The following CDH4 variants were observed in gnomAD, a reference collection of about 807,000 sequenced individuals.
CDH4 encodes cadherin-4.
CDH4 carries 33 observed loss-of-function variants against 86.0 expected under a neutral mutation model. The ratio of observed to expected loss-of-function variants is 0.38; its 90% confidence interval spans 0.29 to 0.51. The LOEUF is 0.51. Among genes scored for constraint, CDH4 ranks in the 20% least tolerant of loss-of-function variants. The probability of loss-of-function intolerance (pLI) is 0.86; values close to 1 mark genes in which losing one functional copy is unlikely to be tolerated. For missense variants in CDH4, 1,114 were observed against 1,307.4 expected, an observed-to-expected ratio of 0.85 and a Z score of 2.28; for synonymous variants, 555 against 549.4, an observed-to-expected ratio of 1.01 and a Z score of -0.14.
chr20:61,507,237 T>C (rs2085747305), intron 2 of CDH4, among the ~76,000 whole-genome samples: 1 of 152,206 alleles, frequency 6.6e-6, no homozygotes, highest in Admixed American at 6.5e-5. Flanking sequence ...CTAGAATAGC[T>C]TTTGGTACCA....
intron 2 of CDH4, among the ~76,000 whole-genome samples, chr20:61,349,443 C>G (rs1170994925): frequency 2.6e-5 from 4 of 152,224 alleles, no homozygotes; most frequent in Non-Finnish European, 4.4e-5. Context: ...GGAGAAAATG[C>G]CCACTTGAGG....
At chr20:61,566,009 C>A (rs749339876) in intron 2 of CDH4, among the ~76,000 whole-genome samples, 10 of 152,226 alleles carry the variant, frequency 6.6e-5, no homozygotes, top group Non-Finnish European at 1.5e-4. Context: ...GTGCCTGCCA[C>A]CGACAGTGGC....
chr20:61,254,485 C>T (rs940223313), intron 1 of CDH4, among the ~76,000 whole-genome samples: 7 of 152,236 alleles, frequency 4.6e-5, no homozygotes, highest in African/African-American at 9.6e-5. Context: ...TCGGGAGCAG[C>T]GGCTGAAGTC....
intron 3 of CDH4, among the ~76,000 whole-genome samples, chr20:61,753,162 G>A (rs940334089): frequency 3.3e-5 from 5 of 152,198 alleles, no homozygotes; most frequent in African/African-American, 4.8e-5. Flanking sequence ...TTTACAGAGC[G>A]CTGGGAGTCC....
intron 2 of CDH4, among the ~76,000 whole-genome samples, chr20:61,612,865 A>G (rs2086695656): frequency 6.6e-6 from 1 of 151,810 alleles, no homozygotes; most frequent in Non-Finnish European, 1.5e-5. Flanking sequence ...CATTCTCCTC[A>G]TTGGTCTCTT....
chr20:61,528,872 A>T lies in CDH4; in HGVS notation c.170-214691A>T, dbSNP rs570310159. ...TTGATTTTTTTTTTTTTTTGTAACC[A>T]GTGCACCGCCCTTGTCCCTTATTAT... On this transcript the variant is annotated intron_variant, in intron 2 of 15. Coordinates refer to ENST00000614565, the MANE Select transcript of CDH4 (RefSeq NM_001794.5). Among the ~76,000 whole-genome samples, 308 of 147,862 alleles carry T rather than the reference A, an allele frequency of 2.1e-3. 1 individual carries two copies. The highest frequency in any genetic ancestry group is 3.2e-3 in the Non-Finnish European group (216 of 67,236).
intron 3 of CDH4, among the ~76,000 whole-genome samples, chr20:61,750,983 T>G (rs1004368656): frequency 1.3e-5 from 2 of 152,232 alleles, no homozygotes; most frequent in African/African-American, 4.8e-5. Context: ...TGGAGGGATA[T>G]GCTGAGCTCA....
chr20:61,734,528 G>C (rs1652959154), intron 2 of CDH4, among the ~76,000 whole-genome samples: 2 of 152,254 alleles, frequency 1.3e-5, no homozygotes, highest in Admixed American at 6.5e-5. Flanking sequence ...CCCAGACGGG[G>C]AGGGACGGCC....
At chr20:61,387,915 G>T (rs1454907582) in intron 2 of CDH4, among the ~76,000 whole-genome samples, 1 of 149,974 alleles carries the variant, frequency 6.7e-6, no homozygotes, top group Non-Finnish European at 1.5e-5. Context: ...TCTGTTCCCT[G>T]CTTTGCTTTC....
In CDH4 at chr20:61,936,858, G is replaced by T; in HGVS notation, c.2666G>T (p.Gly889Val). The change falls in exon 16 of 16, where the codon GGG (glycine) becomes GTG (valine). Residue 889 changes from glycine (G) to valine (V), a missense_variant. Physicochemically the swap from Gly to Val is moderately radical, Grantham distance 109. Coordinates refer to ENST00000614565, the MANE Select transcript of CDH4 (RefSeq NM_001794.5). ...SVSSLNSSSS[G>V]DQDYDYLNDW... ...AGCTCCCTGAACTCATCCAGTTCCG[G>T]GGACCAAGACTACGATTACCTCAAC... The T allele has an allele frequency of 6.2e-7, 1 of 1,609,070 alleles. No homozygotes were observed. Among genetic ancestry groups the T allele is most frequent in the Non-Finnish European group, 8.5e-7 (1 of 1,178,494 alleles).
chr20:61,371,879 G>A (rs889620743), intron 2 of CDH4, among the ~76,000 whole-genome samples: 12 of 152,146 alleles, frequency 7.9e-5, no homozygotes, highest in Admixed American at 3.9e-4. Flanking sequence ...CTCACCATCC[G>A]TCCCTCGCCC....
At chr20:61,344,177 G>A (rs543601786) in intron 2 of CDH4, among the ~76,000 whole-genome samples, 18 of 152,246 alleles carry the variant, frequency 1.2e-4, no homozygotes, top group African/African-American at 4.1e-4. Context: ...CTCGAAGGGC[G>A]AGTGGAATGG....
At chr20:61,552,849 G>A (rs2086144057) in intron 2 of CDH4, among the ~76,000 whole-genome samples, 1 of 147,056 alleles carries the variant, frequency 6.8e-6, no homozygotes, top group African/African-American at 2.6e-5. Context: ...ATGTAAAATG[G>A]TGCAGCCACT....
rs557730205 is a variant in CDH4, at chr20:61,695,919, C to T, written c.170-47644C>T. Among the ~76,000 whole-genome samples the T allele has an allele frequency of 1.2e-4, 18 of 152,276 alleles. No individual in the cohort carries two copies. In the East Asian group the frequency reaches 2.5e-3, roughly 21 times the overall value. ...GCTCCTCCTGTGGGGTCTCCAGGCC[C>T]GGCCTCACCCACCCGCTGCCAGGCC... On this transcript the variant is annotated intron_variant, in intron 2 of 15. Transcript: ENST00000614565.
chr20:61,661,236 C>G (rs1600850658), intron 2 of CDH4, among the ~76,000 whole-genome samples: 1 of 152,220 alleles, frequency 6.6e-6, no homozygotes, highest in East Asian at 1.9e-4. Context: ...CGTCTGGGAG[C>G]TGGGAGGCCA....
intron 2 of CDH4, chr20:61,718,919 C>T: frequency 2.1e-6 from 1 of 471,078 alleles, no homozygotes; most frequent in Non-Finnish European, 4.4e-6. Flanking sequence ...GCTCTTCCAG[C>T]CCAGGGTGTT....
Position 61,807,340 on chromosome 20 carries a change from C to T in CDH4, c.576+34158C>T, listed in dbSNP as rs1222972036. Among the ~76,000 whole-genome samples the T allele has an allele frequency of 6.6e-6, 1 of 152,260 alleles. No homozygotes were observed. Among genetic ancestry groups the T allele is most frequent in the Non-Finnish European group, 1.5e-5 (1 of 68,048 alleles). ...TGTGGCCCCGCTGGGGTCTTTGGATCTCAGGAGAGTGGGCGGTGGGAGAGG... is the reference window on the plus strand; with the variant it reads ...TGTGGCCCCGCTGGGGTCTTTGGATTTCAGGAGAGTGGGCGGTGGGAGAGG... On this transcript the variant is annotated intron_variant, in intron 4 of 15. Coordinates refer to ENST00000614565, the MANE Select transcript of CDH4 (RefSeq NM_001794.5). This position sits in a 1 kb window ranked among gnomAD's most constrained non-coding sequence, Gnocchi z 4.5.
At chr20:61,346,677 G>C (rs898648958) in intron 2 of CDH4, among the ~76,000 whole-genome samples, 2 of 151,924 alleles carry the variant, frequency 1.3e-5, no homozygotes, top group Admixed American at 6.6e-5. Context: ...CCAGGAAGCG[G>C]AGGTTTCAGT....
chr20:61,667,066 C>T (rs1048115458), intron 2 of CDH4, among the ~76,000 whole-genome samples: 1 of 152,268 alleles, frequency 6.6e-6, no homozygotes, highest in South Asian at 2.1e-4. Flanking sequence ...ACGCCACCAT[C>T]TCATAAGCTG....
Sources: allele counts gnomAD v4.1 joint callset (sites outside exome capture counted in the v4.1 genomes callset), GRCh38; gene constraint gnomAD v4.1.1; non-coding constraint Gnocchi (gnomAD v3.1); transcripts MANE v1.5; gene names NCBI Gene and HGNC (gene_info 2026-07-23, HGNC 2026-07-21).